CNTNAP2: variants seen among roughly 807,000 people sequenced by gnomAD.
CNTNAP2 encodes contactin associated protein 2, also known as contactin-associated protein-like 2.
A neutral mutation model predicts 155.2 loss-of-function variants in CNTNAP2; 98 were observed. The ratio of observed to expected loss-of-function variants is 0.63; its 90% CI spans 0.54 to 0.75. CNTNAP2 has a LOEUF of 0.75. Among genes scored for constraint, CNTNAP2 ranks in the 30% least tolerant of loss-of-function variants. The pLI, the probability that CNTNAP2 is intolerant of heterozygous loss-of-function variation, is 0.00. For synonymous variants in CNTNAP2, 651 were observed against 631.2 expected (o/e 1.03, Z -0.47); for missense variants, 1,727 against 1,688.1 (o/e 1.02, Z -0.40).
chr7:146,649,514 G>A (rs1208418236), intron 1 of CNTNAP2, among the ~76,000 whole-genome samples: 2 of 152,042 alleles, frequency 1.3e-5, no homozygotes, highest in Non-Finnish European at 2.9e-5. Flanking sequence ...TTTCACTGCT[G>A]TTTTTAAATT....
At chr7:147,208,343 T>G (rs1282070641) in intron 8 of CNTNAP2, among the ~76,000 whole-genome samples, 2 of 152,096 alleles carry the variant, frequency 1.3e-5, no homozygotes, top group African/African-American at 2.4e-5. Flanking sequence ...TTCCAGGATA[T>G]ATTTTTATAC....
chr7:146,574,902 C>A (rs1474313192), intron 1 of CNTNAP2, among the ~76,000 whole-genome samples: 1 of 152,218 alleles, frequency 6.6e-6, no homozygotes, highest in South Asian at 2.1e-4. Flanking sequence ...GGTGGCTACC[C>A]GTGGGCTCCA....
intron 1 of CNTNAP2, among the ~76,000 whole-genome samples, chr7:146,590,778 A>G (rs548579510): frequency 3.9e-4 from 59 of 152,272 alleles, no homozygotes; most frequent in African/African-American, 1.4e-3. Flanking sequence ...ACGCCCACAA[A>G]TGGTATCACA....
At chr7:146,715,310 C>T (rs1426081946) in intron 1 of CNTNAP2, among the ~76,000 whole-genome samples, 2 of 152,084 alleles carry the variant, frequency 1.3e-5, no homozygotes, top group African/African-American at 4.8e-5. Context: ...CTAGCCTGAG[C>T]AACAAGAGCG....
intron 8 of CNTNAP2, among the ~76,000 whole-genome samples, chr7:147,251,004 G>C (rs1319443804): frequency 1.3e-5 from 2 of 152,096 alleles, no homozygotes; most frequent in Non-Finnish European, 2.9e-5. Context: ...GGCATAAGTA[G>C]CTCCATCTTA....
At chr7:147,225,099 C>T (rs758079449) in intron 8 of CNTNAP2, among the ~76,000 whole-genome samples, 13 of 152,056 alleles carry the variant, frequency 8.5e-5, no homozygotes, top group Non-Finnish European at 1.5e-4. Flanking sequence ...AATCATGAAC[C>T]CTCAATTATC....
intron 9 of CNTNAP2, among the ~76,000 whole-genome samples, chr7:147,392,955 A>C (rs2116447705): frequency 6.6e-6 from 1 of 152,166 alleles, no homozygotes; most frequent in African/African-American, 2.4e-5. Context: ...TGTCACCTTA[A>C]AATTAATTTC....
intron 15 of CNTNAP2, among the ~76,000 whole-genome samples, chr7:148,084,791 C>T (rs565112568): frequency 2.6e-5 from 4 of 152,254 alleles, no homozygotes; most frequent in South Asian, 4.2e-4. Flanking sequence ...TCCACACTCT[C>T]CTAGAGGAGT....
intron 3 of CNTNAP2, among the ~76,000 whole-genome samples, chr7:146,981,751 A>T (rs553520353): frequency 6.6e-6 from 1 of 152,298 alleles, no homozygotes; most frequent in South Asian, 2.1e-4. Flanking sequence ...TGGAGGAGGA[A>T]GGTATGTCTA....
chr7:147,182,009 C>T (rs1163247258), intron 8 of CNTNAP2, among the ~76,000 whole-genome samples: 1 of 151,552 alleles, frequency 6.6e-6, no homozygotes, highest in Non-Finnish European at 1.5e-5. Flanking sequence ...CCTGTAATCC[C>T]AGCTACTCAG....
chr7:148,154,796 G>C (rs1001143519), intron 17 of CNTNAP2, among the ~76,000 whole-genome samples: 6 of 152,202 alleles, frequency 3.9e-5, no homozygotes, highest in Non-Finnish European at 8.8e-5. Flanking sequence ...AATTACTCAG[G>C]CATGCTGGTG....
chr7:148,085,471 A>G (rs1471487660), intron 15 of CNTNAP2, among the ~76,000 whole-genome samples: 3 of 152,120 alleles, frequency 2.0e-5, no homozygotes, highest in African/African-American at 4.8e-5. Flanking sequence ...ATACATACAT[A>G]TTACATATAC....
chr7:146,807,223 T>G (rs933289857), intron 2 of CNTNAP2, among the ~76,000 whole-genome samples: 2 of 152,212 alleles, frequency 1.3e-5, no homozygotes, highest in Non-Finnish European at 1.5e-5. Flanking sequence ...AAAATTTTTG[T>G]ACATCAAATT....
intron 18 of CNTNAP2, among the ~76,000 whole-genome samples, chr7:148,207,103 A>G (rs1795462455): frequency 1.3e-5 from 2 of 152,232 alleles, no homozygotes; most frequent in Admixed American, 1.3e-4. Flanking sequence ...CATCAGCATG[A>G]GCCTCACATA....
At chr7:147,755,276 A>G (rs111736082) in intron 13 of CNTNAP2, among the ~76,000 whole-genome samples, 148 of 152,280 alleles carry the variant, frequency 9.7e-4, no homozygotes, top group African/African-American at 3.3e-3. Flanking sequence ...GTAGATTTGA[A>G]GAACAAAAAC....
chr7:146,670,911 G>A (rs953789849), intron 1 of CNTNAP2, among the ~76,000 whole-genome samples: 1 of 152,164 alleles, frequency 6.6e-6, no homozygotes, highest in South Asian at 2.1e-4. Context: ...AGAGTTTTGA[G>A]AGAAGGCAAC....
At chr7:147,682,447 T>C (rs558266164) in intron 13 of CNTNAP2, among the ~76,000 whole-genome samples, 10 of 151,970 alleles carry the variant, frequency 6.6e-5, no homozygotes, top group Non-Finnish European at 1.2e-4. Flanking sequence ...ATAAAGGACA[T>C]GAACTAATGT....
intron 8 of CNTNAP2, among the ~76,000 whole-genome samples, chr7:147,154,123 A>T (rs1195878151): frequency 3.9e-5 from 6 of 152,176 alleles, no homozygotes; most frequent in African/African-American, 1.4e-4. Context: ...AAAAAAGAAG[A>T]ATAATTACCC....
intron 8 of CNTNAP2, among the ~76,000 whole-genome samples, chr7:147,198,232 C>CTTTTTTTTTTTTTTT (rs71525992): frequency 8.8e-6 from 1 of 113,092 alleles, no homozygotes; most frequent in African/African-American, 3.2e-5. Context: ...TTCCAATATC[C>CTTTTTTTTTTTTTTT]TTTTTTTTTT....
Sources: gnomAD v4.1 joint callset for allele counts (sites outside exome capture counted in the v4.1 genomes callset) on GRCh38, gnomAD v4.1.1 for gene constraint, MANE v1.5 for transcripts, NCBI Gene and HGNC (gene_info 2026-07-23, HGNC 2026-07-21) for gene names.